GMDS: variants seen among roughly 807,000 people sequenced by gnomAD.
GMDS encodes the protein GDP-mannose 4,6-dehydratase.
In GMDS, 20 loss-of-function variants were observed where a neutral mutation model predicts 49.9. The observed-to-expected ratio is 0.40, with a 90% CI of 0.28 to 0.58. GMDS has a LOEUF of 0.58. GMDS is among the 20% of genes least tolerant of loss of function. The probability of loss-of-function intolerance (pLI) is 0.42; values close to 1 mark genes in which losing one functional copy is unlikely to be tolerated. For missense variants in GMDS, 362 were observed against 481.4 expected (o/e 0.75, Z 2.32); for synonymous variants, 177 against 178.6 (o/e 0.99, Z 0.07).
At chr6:1,869,240 A>G (rs1383938167) in intron 7 of GMDS, among the ~76,000 whole-genome samples, 1 of 152,254 alleles carries the variant, frequency 6.6e-6, no homozygotes, top group East Asian at 1.9e-4. Context: ...ACTGATGAAC[A>G]CAAGTGGGAA....
chr6:2,188,492 T>A (rs908354609), intron 1 of GMDS, among the ~76,000 whole-genome samples: 2 of 152,200 alleles, frequency 1.3e-5, no homozygotes, highest in Non-Finnish European at 2.9e-5. Context: ...CGGGGATTCA[T>A]TACTGAAGTA....
intron 9 of GMDS, among the ~76,000 whole-genome samples, chr6:1,657,691 G>A (rs368462936): frequency 6.0e-4 from 91 of 152,102 alleles, no homozygotes; most frequent in Middle Eastern, 3.4e-3. Context: ...CCATGTGGGC[G>A]CCTCAAAACG....
chr6:1,760,875 T>G (rs1011706678), intron 7 of GMDS, among the ~76,000 whole-genome samples: 2 of 152,218 alleles, frequency 1.3e-5, no homozygotes, highest in Admixed American at 6.5e-5. Flanking sequence ...CAATTGCTCT[T>G]ACTAACTTGA....
intron 4 of GMDS, among the ~76,000 whole-genome samples, chr6:1,967,130 T>C (rs1561931445): frequency 6.6e-6 from 1 of 152,180 alleles, no homozygotes; most frequent in Non-Finnish European, 1.5e-5. Context: ...ACCACTGCCC[T>C]GCCTCCCTCG....
chr6:1,657,290 G>C (rs749552631), intron 9 of GMDS, among the ~76,000 whole-genome samples: 22 of 152,236 alleles, frequency 1.4e-4, no homozygotes, highest in Non-Finnish European at 2.2e-4. Flanking sequence ...GGGAGAAAGA[G>C]ACAGCGCAGG....
intron 9 of GMDS, among the ~76,000 whole-genome samples, chr6:1,713,445 G>A (rs570947964): frequency 6.6e-5 from 10 of 152,320 alleles, no homozygotes; most frequent in East Asian, 5.8e-4. Context: ...CTGCGTCTCC[G>A]CCCCGTGGCT....
chr6:1,653,862 G>C (rs1763791608), intron 9 of GMDS, among the ~76,000 whole-genome samples: 1 of 152,140 alleles, frequency 6.6e-6, no homozygotes, highest in Non-Finnish European at 1.5e-5. Flanking sequence ...GAAAACAGGA[G>C]AACAGCTTCA....
At chr6:2,102,810 A>G (rs888968027) in intron 4 of GMDS, among the ~76,000 whole-genome samples, 1 of 151,962 alleles carries the variant, frequency 6.6e-6, no homozygotes, top group Non-Finnish European at 1.5e-5. Context: ...GAAATATATG[A>G]TAATGAAAGT....
intron 1 of GMDS, among the ~76,000 whole-genome samples, chr6:2,169,811 A>G (rs750586728): frequency 7.9e-5 from 12 of 152,176 alleles, no homozygotes; most frequent in Admixed American, 2.6e-4. Flanking sequence ...ACAGATCCAG[A>G]GAGAACTCAG....
chr6:2,053,135 A>G (rs1770544105), intron 4 of GMDS, among the ~76,000 whole-genome samples: 1 of 152,188 alleles, frequency 6.6e-6, no homozygotes, highest in Non-Finnish European at 1.5e-5. Flanking sequence ...CTGTTTCCCC[A>G]TCCATTGATA....
At chr6:1,759,866 C>G (rs1179324090) in intron 7 of GMDS, among the ~76,000 whole-genome samples, 1 of 152,110 alleles carries the variant, frequency 6.6e-6, no homozygotes, top group Non-Finnish European at 1.5e-5. Context: ...GTATTTAAAC[C>G]AGGTGATGTG....
intron 9 of GMDS, 44 bp from the exon 10 acceptor site, chr6:1,624,584 G>C: frequency 7.1e-7 from 1 of 1,401,912 alleles, no homozygotes; most frequent in South Asian, 1.2e-5. Context: ...GGGTCGTGGG[G>C]GTGGGGGCAG....
At chr6:1,952,637 G>A (rs1476120992) in intron 6 of GMDS, among the ~76,000 whole-genome samples, 1 of 152,058 alleles carries the variant, frequency 6.6e-6, no homozygotes, top group Non-Finnish European at 1.5e-5. Flanking sequence ...GGGGAAGAAG[G>A]TAGTGATGGA....
chr6:1,704,808 C>T (rs1254165154), intron 9 of GMDS, among the ~76,000 whole-genome samples: 1 of 151,870 alleles, frequency 6.6e-6, no homozygotes, highest in African/African-American at 2.4e-5. Flanking sequence ...AATATTAAGG[C>T]CACCTGGCTA....
intron 4 of GMDS, among the ~76,000 whole-genome samples, chr6:2,078,075 G>A (rs1772452264): frequency 6.6e-6 from 1 of 152,036 alleles, no homozygotes; most frequent in Non-Finnish European, 1.5e-5. Context: ...GTGTGTAGCT[G>A]TTCATGATAG....
intron 2 of GMDS, among the ~76,000 whole-genome samples, chr6:2,118,119 G>A (rs1166484618): frequency 6.6e-6 from 1 of 151,678 alleles, no homozygotes; most frequent in Admixed American, 6.6e-5. Context: ...TGTACTACTC[G>A]ATTTAAGACC....
intron 9 of GMDS, among the ~76,000 whole-genome samples, chr6:1,638,039 T>C (rs909395729): frequency 1.3e-5 from 2 of 152,216 alleles, no homozygotes; most frequent in African/African-American, 2.4e-5. Context: ...TGCAAAGCCA[T>C]GCGTTCACCA....
chr6:1,849,930 G>A (rs549683603), intron 7 of GMDS, among the ~76,000 whole-genome samples: 1 of 152,226 alleles, frequency 6.6e-6, no homozygotes, highest in South Asian at 2.1e-4. Context: ...TGCAAAATAG[G>A]AAGTTCGTTT....
chr6:1,936,183 C>T (rs1160003807), intron 6 of GMDS, among the ~76,000 whole-genome samples: 2 of 152,136 alleles, frequency 1.3e-5, no homozygotes, highest in Non-Finnish European at 2.9e-5. Flanking sequence ...TCTCAGTTCT[C>T]TTACCAATAA....
Sources: gnomAD v4.1 joint callset for allele counts (sites outside exome capture counted in the v4.1 genomes callset) on GRCh38, gnomAD v4.1.1 for gene constraint, MANE v1.5 for transcripts, NCBI Gene and HGNC (gene_info 2026-07-23, HGNC 2026-07-21) for gene names.